The following SYNE2 variants were observed in gnomAD, a reference collection of about 807,000 sequenced individuals.
SYNE2 encodes the protein spectrin repeat containing nuclear envelope protein 2, also known as nesprin-2.
A neutral mutation model predicts 856.3 loss-of-function variants in SYNE2; 431 were observed. That is an observed-to-expected ratio of 0.50 (90% CI 0.47 to 0.55). The LOEUF is 0.55. Among genes scored for constraint, SYNE2 ranks in the 20% least tolerant of loss-of-function variants. SYNE2 has a pLI of 0.00. For synonymous variants in SYNE2, 2,923 were observed against 2,872.3 expected, an observed-to-expected ratio of 1.02 and a Z score of -0.56; for missense variants, 8,129 against 8,023.2, an observed-to-expected ratio of 1.01 and a Z score of -0.50.
chr14:64,219,889 C>A (rs1306850654), intron 110 of SYNE2, among the ~76,000 whole-genome samples: 1 of 152,180 alleles, frequency 6.6e-6, no homozygotes, highest in Non-Finnish European at 1.5e-5. Flanking sequence ...GTGTCACTTA[C>A]ATAAGTCCTG....
chr14:63,975,174 C>T (rs1393548245), intron 11 of SYNE2, among the ~76,000 whole-genome samples: 1 of 151,400 alleles, frequency 6.6e-6, no homozygotes, highest in East Asian at 2.0e-4. Flanking sequence ...TGGGCAGGGC[C>T]CTGCTCTTGT....
chr14:64,139,615 G>A (rs1285815239), intron 79 of SYNE2, among the ~76,000 whole-genome samples: 1 of 151,882 alleles, frequency 6.6e-6, no homozygotes, highest in Non-Finnish European at 1.5e-5. Context: ...GTTTTACCAT[G>A]TTTTTCAGGC....
intron 2 of SYNE2, among the ~76,000 whole-genome samples, chr14:63,925,199 G>C (rs1160312044): frequency 1.3e-5 from 2 of 152,062 alleles, no homozygotes; most frequent in Non-Finnish European, 2.9e-5. Context: ...GCTCATGCCT[G>C]TAGTCCCAGC....
intron 65 of SYNE2, among the ~76,000 whole-genome samples, chr14:64,108,600 T>A (rs1161565652): frequency 6.6e-6 from 1 of 152,172 alleles, no homozygotes; most frequent in Non-Finnish European, 1.5e-5. Flanking sequence ...TTTTGCTGTT[T>A]TTATTGTTTA....
intron 1 of SYNE2, among the ~76,000 whole-genome samples, chr14:63,872,504 C>T (rs1897090848): frequency 6.6e-6 from 1 of 151,714 alleles, no homozygotes; most frequent in Non-Finnish European, 1.5e-5. Flanking sequence ...ACCTATAATC[C>T]CAGCACTTTG....
At chr14:64,083,100 G>C (rs2097536213) in intron 57 of SYNE2, among the ~76,000 whole-genome samples, 1 of 152,086 alleles carries the variant, frequency 6.6e-6, no homozygotes, top group Non-Finnish European at 1.5e-5. Flanking sequence ...CTTTGGAATG[G>C]CACAGTGTGT....
chr14:63,801,469 C>T (rs1164774874), intron 1 of SYNE2, among the ~76,000 whole-genome samples: 1 of 152,012 alleles, frequency 6.6e-6, no homozygotes, highest in Non-Finnish European at 1.5e-5. Flanking sequence ...GTCGGGAGTT[C>T]GAGACCTCGA....
chr14:63,772,635 C>T (rs1322468683), intron 1 of SYNE2, among the ~76,000 whole-genome samples: 3 of 149,250 alleles, frequency 2.0e-5, no homozygotes, highest in East Asian at 4.3e-4. Context: ...CCCAGCTATT[C>T]GGGAGGCTGA....
At chr14:64,046,439 G>T (rs1278124539) in intron 45 of SYNE2, among the ~76,000 whole-genome samples, 1 of 152,152 alleles carries the variant, frequency 6.6e-6, no homozygotes, top group African/African-American at 2.4e-5. Flanking sequence ...TGTAGCCTCA[G>T]CCTCCTGGAC....
rs1363730039 is a variant in SYNE2, at chr14:64,055,838, A to AAT, written c.9745-105_9745-104insTA. The stretch of plus-strand genomic sequence containing the variant: ...AAAACTTAAAGTATAATAATAATAA[A>AAT]AAAAGACTCAGAGACATATTATCTA... On this transcript the variant is annotated intron_variant, in intron 48 of 115. Coordinates refer to ENST00000555002, the MANE Select transcript of SYNE2 (RefSeq NM_182914.3). 3 of 779,802 alleles carry AAT rather than the reference A, an allele frequency of 3.8e-6. No homozygotes were observed. In the Admixed American group the frequency reaches 8.7e-5, roughly 22 times the overall value. The allele number at this position is 779,802 out of a possible 1,614,324, so 48.3% of individuals were successfully genotyped here.
chr14:64,053,227 T>C lies in SYNE2; in HGVS notation c.9314T>C (p.Leu3105Ser). ...KCLCDEIIKK[L>S]NENKTFDDSF... The stretch of plus-strand genomic sequence containing the variant: ...TTATGTGATGAGATAATAAAGAAAT[T>C]AAATGAAAATAAGACCTTTGATGAC... Residue 3105 changes from leucine to serine, a missense_variant, in exon 48 of 116, where the codon TTA becomes TCA. By Grantham distance (145) the Leu-to-Ser change is moderately radical (BLOSUM62 -2). Around this residue, in one of 3 missense-constraint regions of SYNE2, gnomAD observed 5,410 missense variants for 5,284.8 expected, o/e 1.02. Coordinates refer to ENST00000555002, the MANE Select transcript of SYNE2 (RefSeq NM_182914.3). The C allele has an allele frequency of 6.2e-7, 1 of 1,612,462 alleles. No individual in the cohort carries two copies. The highest frequency in any genetic ancestry group is 8.5e-7 in the Non-Finnish European group (1 of 1,179,528).
chr14:63,820,016 C>CT (rs1480499195), intron 1 of SYNE2, among the ~76,000 whole-genome samples: 1 of 151,726 alleles, frequency 6.6e-6, no homozygotes, highest in Non-Finnish European at 1.5e-5. Context: ...AATTAAAAGT[C>CT]TTTTTTTAAT....
Position 64,053,442 on chromosome 14 carries a change from C to T in SYNE2, c.9529C>T (p.Leu3177Phe), listed in dbSNP as rs780632657. 2.7e-5 allele frequency: 43 copies of T among 1,613,284 alleles called. 2 individuals carry two copies. In the South Asian group the frequency reaches 4.6e-4, roughly 17 times the overall value. ...QIKSQLQQPL[L>F]INLEIKHIQN... ...AAAATCTCAATTACAGCAGCCATTA[C>T]TTATAAATTTGGAAATTAAACATAT... The change falls in exon 48 of 116, where the codon CTT becomes TTT. Residue 3177 changes from leucine (L) to phenylalanine (F), a missense_variant. Leu to Phe is a conservative substitution (Grantham distance 22). Transcript: ENST00000555002.
chr14:64,048,229 A>C, intron 46 of SYNE2, 74 bp downstream of exon 46: 1 of 1,486,620 alleles, frequency 6.7e-7, no homozygotes, highest in East Asian at 2.4e-5. Context: ...TTTAATTGCC[A>C]AAAACTTGCT....
At chr14:64,187,192 G>T (rs925066272) in intron 97 of SYNE2, among the ~76,000 whole-genome samples, 23 of 152,236 alleles carry the variant, frequency 1.5e-4, no homozygotes, top group Admixed American at 3.9e-4. Flanking sequence ...GAATTAAGGG[G>T]TTCAAATAGT....
rs145112934 is a variant in SYNE2, at chr14:64,064,379, G to A, written c.10213-1053G>A. 5.5e-3 allele frequency among the ~76,000 whole-genome samples: 830 copies of A among 152,094 alleles called. 10 individuals carry two copies. Among genetic ancestry groups the A allele is most frequent in the African/African-American group, 0.02 (809 of 41,486 alleles). On this transcript the variant is annotated intron_variant, in intron 50 of 115. Coordinates refer to ENST00000555002, the MANE Select transcript of SYNE2 (RefSeq NM_182914.3). ...AGATTTCATCACACTAGTCAGAATA[G>A]CACTTATATATTTATATACAAATAA... is the stretch of plus-strand genomic sequence containing the variant.
intron 87 of SYNE2, among the ~76,000 whole-genome samples, chr14:64,160,058 T>C (rs1047855149): frequency 2.0e-5 from 3 of 152,256 alleles, no homozygotes. Flanking sequence ...TGATTATTCC[T>C]GTATGCAGTT....
At chr14:63,955,080 A>G (rs2096224012) in intron 8 of SYNE2, among the ~76,000 whole-genome samples, 165 bp downstream of exon 8, 1 of 152,182 alleles carries the variant, frequency 6.6e-6, no homozygotes, top group African/African-American at 2.4e-5. Flanking sequence ...ATTCCTACCA[A>G]TTTGTTAACT....
At chr14:64,037,945 C>A (rs1388935351) in intron 45 of SYNE2, among the ~76,000 whole-genome samples, 40 of 150,520 alleles carry the variant, frequency 2.7e-4, no homozygotes, top group African/African-American at 9.5e-4. Context: ...GGGGGCTGAC[C>A]CCCCCACCTC....
Sources: gnomAD v4.1 joint callset for allele counts (sites outside exome capture counted in the v4.1 genomes callset) on GRCh38, gnomAD v4.1.1 for gene constraint, gnomAD v4.1.1 regional missense constraint, MANE v1.5 for transcripts, NCBI Gene and HGNC (gene_info 2026-07-23, HGNC 2026-07-21) for gene names.